The following ZFYVE27 variants were observed in gnomAD, a reference collection of about 807,000 sequenced individuals.
The protein encoded by ZFYVE27 is zinc finger FYVE-type containing 27, also known as protrudin.
Under a neutral mutation model 52.8 loss-of-function variants are expected in ZFYVE27, and 36 were observed. The ratio of observed to expected loss-of-function variants is 0.68; its 90% CI spans 0.52 to 0.90. The LOEUF (loss-of-function observed/expected upper bound fraction) is 0.90. ZFYVE27 is among the 40% of genes least tolerant of loss of function. ZFYVE27 has a pLI of 0.00. For synonymous variants in ZFYVE27, 223 were observed against 215.6 expected (o/e 1.03, Z -0.30); for missense variants, 450 against 527.2 (o/e 0.85, Z 1.43).
intron 12 of ZFYVE27, chr10:97,758,321 G>GT (rs1209431511): frequency 0.015 from 2,002 of 134,444 alleles, 40 homozygotes; most frequent in African/African-American, 0.042. Flanking sequence ...GTTAAACCAA[G>GT]TTTTTTTTTT....
rs1206237225 is a variant in ZFYVE27 at position 97,750,485 on chromosome 10, C to G, written c.804+15C>G. On this transcript the variant is annotated intron_variant, in intron 7 of 12. Coordinates refer to ENST00000684270, the MANE Select transcript of ZFYVE27 (RefSeq NM_001385875.1). ...CACCCACGGAGGTAAGTGCCACTGT[C>G]AGGGCAGAGCCTGCTGTGGCCGCTT... is the stretch of plus-strand genomic sequence containing the variant. 3.1e-6 allele frequency: 5 copies of G among 1,613,666 alleles called. No individual in the cohort carries two copies. The Admixed American group carries it at 6.7e-5, about 22-fold the overall frequency.
At chr10:97,738,228 C>T (rs1239861925) in intron 1 of ZFYVE27, among the ~76,000 whole-genome samples, 1 of 152,148 alleles carries the variant, frequency 6.6e-6, no homozygotes, top group Non-Finnish European at 1.5e-5. Context: ...TCCAGGACAT[C>T]ATTTCATTTC....
chr10:97,756,346 C>T (rs1294887254), intron 10 of ZFYVE27, among the ~76,000 whole-genome samples: 2 of 152,152 alleles, frequency 1.3e-5, no homozygotes, highest in Non-Finnish European at 2.9e-5. Flanking sequence ...CTTCCTTTCC[C>T]TGAACCTAGG....
At chr10:97,743,984 C>T (rs1195925784) in intron 3 of ZFYVE27, among the ~76,000 whole-genome samples, 2 of 152,206 alleles carry the variant, frequency 1.3e-5, no homozygotes, top group African/African-American at 4.8e-5. Flanking sequence ...TTGTATTTCT[C>T]AGGTGTCTTC....
At position 97,743,104 on chromosome 10, in the gene ZFYVE27, C is replaced by G. The variant is rs757617711; in HGVS notation, c.208C>G (p.Pro70Ala). 1.2e-5 allele frequency: 19 copies of G among 1,614,054 alleles called. No homozygotes were observed. The East Asian group carries it at 2.2e-4, about 19-fold the overall frequency. The change falls in exon 3 of 13, where the codon CCT becomes GCT. Residue 70 changes from proline to alanine, a missense_variant. Pro to Ala is a conservative substitution (Grantham distance 27, BLOSUM62 -1). Coordinates refer to ENST00000684270, the MANE Select transcript of ZFYVE27 (RefSeq NM_001385875.1). Reference protein sequence around the residue: ...GVRYLLRWQMPLCSLLTCLGL... With the variant: ...GVRYLLRWQMALCSLLTCLGL... ...CTCTCTGTATTGTAGGTGGCAGATG[C>G]CTTTGTGTTCCTTGCTGACCTGCCT...
chr10:97,750,857 C>T (rs767317358), intron 7 of ZFYVE27, among the ~76,000 whole-genome samples: 7 of 151,914 alleles, frequency 4.6e-5, no homozygotes, highest in Non-Finnish European at 1.0e-4. Context: ...CCTCCCACCT[C>T]AGCCTCTTGG....
intron 2 of ZFYVE27, chr10:97,738,881 T>C (rs1308611295): frequency 1.7e-6 from 1 of 601,934 alleles, no homozygotes; most frequent in Non-Finnish European, 3.0e-6. Context: ...CTGGGAATGA[T>C]CCTGCCTTTC....
At chr10:97,754,632 C>T in intron 10 of ZFYVE27, 3 of 1,281,184 alleles carry the variant, frequency 2.3e-6, no homozygotes, top group Non-Finnish European at 3.0e-6. Flanking sequence ...TTTATTTATG[C>T]TGCCTGCTGA....
intron 10 of ZFYVE27, chr10:97,754,695 A>C: frequency 7.8e-7 from 1 of 1,289,324 alleles, no homozygotes; most frequent in South Asian, 1.2e-5. Context: ...CCATACTTGC[A>C]CATGTGTGAT....
intron 12 of ZFYVE27, 95 bp from the exon 13 acceptor site, chr10:97,759,141 T>A: frequency 7.5e-7 from 1 of 1,331,664 alleles, no homozygotes. Context: ...GGGTGGGGGG[T>A]CTGTGTGGGG....
chr10:97,740,613 AT>A (rs1241222244), intron 2 of ZFYVE27, among the ~76,000 whole-genome samples: 1 of 152,178 alleles, frequency 6.6e-6, no homozygotes. Context: ...GGAATTAAAA[AT>A]TGGAGGATGT....
chr10:97,754,304 T>G (rs888232119), intron 10 of ZFYVE27, among the ~76,000 whole-genome samples: 2 of 140,242 alleles, frequency 1.4e-5, no homozygotes, highest in Non-Finnish European at 3.1e-5. Context: ...CCCCAGTTAT[T>G]CAAGATCCCT....
At chr10:97,757,521 C>A in intron 11 of ZFYVE27, 121 bp from the exon 12 acceptor site, 1 of 1,323,278 alleles carries the variant, frequency 7.6e-7, no homozygotes, top group Non-Finnish European at 1.1e-6. Context: ...TCCTGCTCCA[C>A]TTGGGCACCC....
Position 97,757,731 on chromosome 10 carries a change from G to T in ZFYVE27, c.1171+8G>T, listed in dbSNP as rs1206234613. ...CCTCCATGGGGGCCACAGGTGAGTG[G>T]TGCAGGTGGTGGGAGGGCTTGGTTG... On this transcript the variant is annotated splice_region_variant and intron_variant, in intron 12 of 12. Transcript: ENST00000684270. 1.2e-6 allele frequency: 2 copies of T among 1,614,080 alleles called. No homozygotes were observed. The highest frequency in any genetic ancestry group is 2.7e-5 in the African/African-American group (2 of 74,938).
At chr10:97,757,430 C>T in intron 11 of ZFYVE27, 119 bp downstream of exon 11, 1 of 1,470,380 alleles carries the variant, frequency 6.8e-7, no homozygotes, top group Non-Finnish European at 9.5e-7. Context: ...CTGGCAGTGG[C>T]TTTCTGGAGT....
chr10:97,740,951 A>G (rs1383671805), intron 2 of ZFYVE27, among the ~76,000 whole-genome samples: 4 of 152,182 alleles, frequency 2.6e-5, no homozygotes, highest in Non-Finnish European at 5.9e-5. Flanking sequence ...AGGCTTTAAA[A>G]TGAAAGTGAC....
At chr10:97,752,947 C>T in intron 9 of ZFYVE27, 70 bp downstream of exon 9, 1 of 1,613,022 alleles carries the variant, frequency 6.2e-7, no homozygotes, top group African/African-American at 1.3e-5. Flanking sequence ...TGCTGCCACA[C>T]CTCGTGGGGG....
At chr10:97,758,005 C>A in intron 12 of ZFYVE27, 1 of 350,294 alleles carries the variant, frequency 2.9e-6, no homozygotes, top group Non-Finnish European at 5.2e-6. Flanking sequence ...ACCCCCGCAG[C>A]TCCCAGCACT....
chr10:97,754,313 C>CTTTT (rs35784590), intron 10 of ZFYVE27, among the ~76,000 whole-genome samples: 1 of 130,692 alleles, frequency 7.7e-6, no homozygotes, highest in Non-Finnish European at 1.7e-5. Flanking sequence ...TTCAAGATCC[C>CTTTT]TTTTTTTTTT....
Sources: gnomAD v4.1 joint callset for allele counts (sites outside exome capture counted in the v4.1 genomes callset) on GRCh38, gnomAD v4.1.1 for gene constraint, MANE v1.5 for transcripts, NCBI Gene and HGNC (gene_info 2026-07-23, HGNC 2026-07-21) for gene names.